Variants in INPP5F observed in about 807,000 individuals in gnomAD.
The protein encoded by INPP5F is inositol polyphosphate-5-phosphatase F, also known as phosphatidylinositide 4-phosphatase SAC2.
A neutral mutation model predicts 137.2 loss-of-function variants in INPP5F; 97 were observed. That is an observed-to-expected ratio of 0.71 (90% confidence interval 0.60 to 0.84). The LOEUF is 0.84. Among genes scored for constraint, INPP5F ranks in the 40% least tolerant of loss-of-function variants. The probability of loss-of-function intolerance (pLI) is 0.00; values close to 1 mark genes in which losing one functional copy is unlikely to be tolerated. For synonymous variants in INPP5F, 504 were observed against 476.9 expected, an observed-to-expected ratio of 1.06 and a Z score of -0.74; for missense variants, 1,271 against 1,371.9, an observed-to-expected ratio of 0.93 and a Z score of 1.16.
intron 2 of INPP5F, among the ~76,000 whole-genome samples, chr10:119,767,129 A>C (rs912047553): frequency 2.7e-4 from 40 of 150,702 alleles, no homozygotes; most frequent in African/African-American, 7.5e-4. Flanking sequence ...AAAAAAAAAA[A>C]AAAACCTAGA....
chr10:119,804,118 C>A, intron 9 of INPP5F, 55 bp from the exon 10 acceptor site: 2 of 1,303,470 alleles, frequency 1.5e-6, no homozygotes, highest in Non-Finnish European at 2.1e-6. Flanking sequence ...AAATTTTAAA[C>A]CACATTGTGA....
chr10:119,823,050 C>T lies in INPP5F; in HGVS notation c.2033-21C>T, dbSNP rs150506950. The T allele has an allele frequency of 4.5e-4, 723 of 1,598,868 alleles. 3 individuals carry two copies. The African/African-American group carries it at 8.3e-3, about 18-fold the overall frequency. On this transcript the variant is annotated intron_variant, in intron 17 of 19. Transcript: ENST00000650623. ...GTTATGTGAAACATTTAACTTTATA[C>T]GTATTCATTTGGGATTTTAGGCCCT... is the stretch of plus-strand genomic sequence containing the variant.
rs59388357 is a variant in INPP5F at position 119,732,500 on chromosome 10, C to CT, written c.97+6158dup. Among the ~76,000 whole-genome samples, 693 of 115,548 alleles carry CT rather than the reference C, an allele frequency of 6.0e-3. 8 individuals carry two copies. Among genetic ancestry groups the CT allele is most frequent in the African/African-American group, 0.017 (506 of 29,402 alleles). The allele number at this position is 115,548 out of a possible 152,430, so 75.8% of individuals were successfully genotyped here. A position where few individuals can be genotyped will look rare whatever the true frequency, so the allele number is the denominator to read the frequency against. ...TGAGCACTTTTCTTTTTTCTTTTTTCTTTTTTTTTTTTTTTTTGAGACGGA... is the reference window on the plus strand; with the variant it reads ...TGAGCACTTTTCTTTTTTCTTTTTTCTTTTTTTTTTTTTTTTTTGAGACGGA... On this transcript the variant is annotated intron_variant, in intron 1 of 19. Coordinates refer to ENST00000650623, the MANE Select transcript of INPP5F (RefSeq NM_014937.4).
chr10:119,791,380 T>C (rs1850137719), intron 3 of INPP5F, 137 bp from the exon 4 acceptor site: 2 of 692,540 alleles, frequency 2.9e-6, no homozygotes, highest in South Asian at 3.6e-5. Flanking sequence ...TTGCCATCAA[T>C]TGTCTACTTG....
intron 2 of INPP5F, among the ~76,000 whole-genome samples, chr10:119,756,878 A>AAAG (rs1478257293): frequency 6.6e-6 from 1 of 151,000 alleles, no homozygotes; most frequent in Non-Finnish European, 1.5e-5. Context: ...AAAAAAAAAA[A>AAAG]AAAAAAAAGG....
intron 1 of INPP5F, among the ~76,000 whole-genome samples, chr10:119,738,551 T>C (rs190962916): frequency 1.3e-3 from 201 of 152,290 alleles, no homozygotes; most frequent in Middle Eastern, 3.4e-3. Flanking sequence ...TTGCTGCATA[T>C]GCCTGGAATA....
chr10:119,823,819 CCTT>C lies in INPP5F; in HGVS notation c.2168_2170del (p.Leu723del), dbSNP rs1564856481. The C allele has an allele frequency of 6.2e-7, 1 of 1,611,726 alleles. No homozygotes were observed. The highest frequency in any genetic ancestry group is 1.7e-5 in the Admixed American group (1 of 59,712). ...GCAGTTATATTTGGGTTGCAGATAC[CCTT>C]CAGTGCATTGCAGAGATGCTGCAGA... On this transcript the variant is annotated inframe_deletion, in exon 19 of 20. Transcript: ENST00000650623.
rs552404326 is a variant in INPP5F, at chr10:119,821,590, T to A, written c.1958+673T>A. On this transcript the variant is annotated intron_variant, in intron 16 of 19. Transcript: ENST00000650623. ...ATTGTTTTTTAGTCATTTGCCCAGA[T>A]GCCTGTTGGCATATATCATATGGAT... 3.3e-5 allele frequency among the ~76,000 whole-genome samples: 5 copies of A among 152,372 alleles called. 1 individual carries two copies. The East Asian group carries it at 9.6e-4, about 29-fold the overall frequency.
intron 1 of INPP5F, among the ~76,000 whole-genome samples, chr10:119,731,259 AT>A (rs55879625): frequency 7.9e-5 from 12 of 151,146 alleles, no homozygotes; most frequent in Admixed American, 5.3e-4. Context: ...TCCACCTGGA[AT>A]TTTTTTTTGA....
chr10:119,798,249 GA>G (rs1329533435), intron 8 of INPP5F, among the ~76,000 whole-genome samples: 1 of 152,082 alleles, frequency 6.6e-6, no homozygotes, highest in Admixed American at 6.5e-5. Flanking sequence ...TATTGTTTTA[GA>G]GGGGTTTTTA....
intron 2 of INPP5F, among the ~76,000 whole-genome samples, chr10:119,774,612 C>T (rs190886908): frequency 1.4e-4 from 21 of 151,936 alleles, no homozygotes; most frequent in Admixed American, 1.2e-3. Context: ...GGAAGTACCA[C>T]TCCCGACCTA....
At chr10:119,817,385 T>C (rs533752651) in intron 15 of INPP5F, among the ~76,000 whole-genome samples, 4 of 152,372 alleles carry the variant, frequency 2.6e-5, no homozygotes, top group African/African-American at 9.6e-5. Flanking sequence ...TGTTTAACTT[T>C]TGAGAAACTG....
At chr10:119,790,182 A>C (rs1438425169) in intron 3 of INPP5F, among the ~76,000 whole-genome samples, 2 of 151,838 alleles carry the variant, frequency 1.3e-5, no homozygotes, top group Non-Finnish European at 2.9e-5. Flanking sequence ...AGAGGAGAGG[A>C]GCGGAGGAGG....
intron 2 of INPP5F, among the ~76,000 whole-genome samples, chr10:119,759,041 A>C (rs1848932567): frequency 6.6e-6 from 1 of 152,194 alleles, no homozygotes; most frequent in Non-Finnish European, 1.5e-5. Context: ...TACATTGGAG[A>C]GAAACAAGAG....
At position 119,802,148 on chromosome 10, in the gene INPP5F, G is replaced by A. The variant is rs118151346; in HGVS notation, c.1117-2025G>A. On this transcript the variant is annotated intron_variant, in intron 9 of 19. Transcript: ENST00000650623. ...GGGGAAGTCTCCTGGGAGGCTTCTGGGAACAGGTTTTCTGCTCTAATAAGA... is the reference window on the plus strand; with the variant it reads ...GGGGAAGTCTCCTGGGAGGCTTCTGAGAACAGGTTTTCTGCTCTAATAAGA... 4.5e-3 allele frequency among the ~76,000 whole-genome samples: 681 copies of A among 152,242 alleles called. 36 individuals are homozygous for A. The South Asian group carries it at 0.11, about 24-fold the overall frequency.
chr10:119,751,815 G>T (rs1442030608), intron 2 of INPP5F, among the ~76,000 whole-genome samples: 1 of 152,172 alleles, frequency 6.6e-6, no homozygotes, highest in Non-Finnish European at 1.5e-5. Flanking sequence ...TTTAAAATTA[G>T]AGATGGGTTC....
rs531949333 is a variant in INPP5F, at chr10:119,803,741, G to A, written c.1117-432G>A. ...TTACAATATTGAATCTTGCTGCCTAGTAACATGGTATATGTTTCTGTTAAT... is the reference window on the plus strand; with the variant it reads ...TTACAATATTGAATCTTGCTGCCTAATAACATGGTATATGTTTCTGTTAAT... On this transcript the variant is annotated intron_variant, in intron 9 of 19. Coordinates refer to ENST00000650623, the MANE Select transcript of INPP5F (RefSeq NM_014937.4). Among the ~76,000 whole-genome samples the A allele has an allele frequency of 3.3e-5, 5 of 152,250 alleles. No homozygotes were observed. In the South Asian group the frequency reaches 1.0e-3, roughly 32 times the overall value.
At chr10:119,804,931 T>G (rs1369697016) in intron 10 of INPP5F, among the ~76,000 whole-genome samples, 1 of 152,176 alleles carries the variant, frequency 6.6e-6, no homozygotes, top group Non-Finnish European at 1.5e-5. Flanking sequence ...TTCACCATGT[T>G]GGCCAGGCTG....
At chr10:119,773,079 T>C (rs575693849) in intron 2 of INPP5F, among the ~76,000 whole-genome samples, 1 of 151,838 alleles carries the variant, frequency 6.6e-6, no homozygotes, top group Non-Finnish European at 1.5e-5. Context: ...TTTTTTGAAA[T>C]AGTGTCTTAC....
Sources: allele counts gnomAD v4.1 joint callset (sites outside exome capture counted in the v4.1 genomes callset), GRCh38; gene constraint gnomAD v4.1.1; transcripts MANE v1.5; gene names NCBI Gene and HGNC (gene_info 2026-07-23, HGNC 2026-07-21).